DIAPH2: variants seen among roughly 807,000 people sequenced by gnomAD.
The protein encoded by DIAPH2 is protein diaphanous homolog 2.
Under a neutral mutation model 92.7 loss-of-function variants are expected in DIAPH2, and 35 were observed. The ratio of observed to expected loss-of-function variants is 0.38; its 90% CI spans 0.29 to 0.50. The LOEUF is 0.50. DIAPH2 is among the 20% of genes least tolerant of loss of function. The probability of loss-of-function intolerance (pLI) is 0.94; values close to 1 mark genes in which losing one functional copy is unlikely to be tolerated. For synonymous variants in DIAPH2, 301 were observed against 280.4 expected (o/e 1.07, Z -0.73); for missense variants, 701 against 819.5 (o/e 0.86, Z 1.77).
At chrX:97,576,293 A>C (rs993974386) in intron 26 of DIAPH2, among the ~76,000 whole-genome samples, 2 of 111,714 alleles carry the variant, frequency 1.8e-5, no homozygotes, top group African/African-American at 6.5e-5. Context: ...AATGGGTTCC[A>C]ACTTGTCCCA....
At chrX:97,548,578 C>CTGTACATCATTG (rs1235629858) in intron 26 of DIAPH2, among the ~76,000 whole-genome samples, 1 of 112,210 alleles carries the variant, frequency 8.9e-6, no homozygotes, top group Non-Finnish European at 1.9e-5. Context: ...GATGTGGGCA[C>CTGTACATCATTG]TGGAGATTAA....
At chrX:97,419,742 A>G (rs1346133886) in intron 25 of DIAPH2, among the ~76,000 whole-genome samples, 1 of 112,191 alleles carries the variant, frequency 8.9e-6, no homozygotes, top group Non-Finnish European at 1.9e-5. Context: ...CCATATAGTC[A>G]GCATTCAATA....
chrX:97,080,493 T>G (rs961793779), intron 19 of DIAPH2, among the ~76,000 whole-genome samples: 18 of 95,237 alleles, frequency 1.9e-4, no homozygotes, highest in African/African-American at 7.1e-4. Context: ...CACCAATAAT[T>G]TCTACATATA....
chrX:96,948,220 G>T (rs148415394), intron 14 of DIAPH2, among the ~76,000 whole-genome samples: 2 of 112,313 alleles, frequency 1.8e-5, no homozygotes, highest in Non-Finnish European at 3.8e-5. Flanking sequence ...TATAGTTAAG[G>T]AGTTGAAACT....
At position 96,884,710 on chromosome X, in the gene DIAPH2, C is replaced by T. The variant is rs755083419; in HGVS notation, c.587+2992C>T. ...CAAAGTGTTTGGTATCCTCAAATGT[C>T]CCACGGGAACAAAGAGCCTTGAGGT... On this transcript the variant is annotated intron_variant, in intron 5 of 26. Coordinates refer to ENST00000324765, the MANE Select transcript of DIAPH2 (RefSeq NM_006729.5). The T allele has an allele frequency of 5.8e-6, 7 of 1,208,086 alleles. No homozygotes were observed. In the South Asian group the frequency reaches 8.8e-5, roughly 15 times the overall value.
chrX:96,863,748 A>T (rs1009747837), intron 4 of DIAPH2, among the ~76,000 whole-genome samples: 1 of 111,455 alleles, frequency 9.0e-6, no homozygotes, highest in African/African-American at 3.3e-5. Context: ...TGAGTCAAAG[A>T]TGTATTTCCA....
Position 97,353,670 on chromosome X carries a change from A to G in DIAPH2, c.3009+5390A>G, listed in dbSNP as rs183684650. Among the ~76,000 whole-genome samples the G allele has an allele frequency of 9.3e-4, 103 of 111,125 alleles. 5 individuals carry two copies. Among genetic ancestry groups the G allele is most frequent in the Non-Finnish European group, 1.7e-3 (89 of 52,620 alleles). ...AATCATGCCAGCCAATTTCCCCTCAACAAAATCAGTATGTGCTACTGTTCA... is the reference window on the plus strand; with the variant it reads ...AATCATGCCAGCCAATTTCCCCTCAGCAAAATCAGTATGTGCTACTGTTCA... On this transcript the variant is annotated intron_variant, in intron 24 of 26. Transcript: ENST00000324765.
intron 23 of DIAPH2, among the ~76,000 whole-genome samples, chrX:97,305,919 A>G (rs1407742466): frequency 9.1e-6 from 1 of 110,194 alleles, no homozygotes; most frequent in Non-Finnish European, 1.9e-5. Context: ...GTTGTGCTGA[A>G]TAGTGTTTTT....
chrX:97,447,000 T>G (rs1190000170), intron 26 of DIAPH2, among the ~76,000 whole-genome samples: 1 of 111,021 alleles, frequency 9.0e-6, no homozygotes, highest in African/African-American at 3.3e-5. Flanking sequence ...AGAGTATCTC[T>G]TCCTCTGTCT....
Position 96,881,651 on chromosome X carries a change from A to G in DIAPH2, c.520A>G (p.Ile174Val), listed in dbSNP as rs1440716580. Reference protein sequence around the residue: ...QEYVHELRSGISDEKLLNCLE... With the variant: ...QEYVHELRSGVSDEKLLNCLE... ...ATATGTTCATGAATTACGATCGGGT[A>G]TATCAGATGAGAAACTTCTTAATTG... Residue 174 changes from isoleucine (I) to valine (V), a missense_variant, in exon 5 of 27, where the codon ATA (isoleucine) becomes GTA (valine). Physicochemically the swap from Ile to Val is conservative, Grantham distance 29 (BLOSUM62 3). Transcript: ENST00000324765. 18 of 1,207,543 alleles carry G rather than the reference A, an allele frequency of 1.5e-5. No individual in the cohort carries two copies. Among genetic ancestry groups the G allele is most frequent in the Non-Finnish European group, 2.0e-5 (18 of 892,363 alleles).
intron 23 of DIAPH2, among the ~76,000 whole-genome samples, chrX:97,288,276 G>A (rs1374119477): frequency 9.0e-6 from 1 of 111,409 alleles, no homozygotes; most frequent in Non-Finnish European, 1.9e-5. Flanking sequence ...AGCAGAGATA[G>A]TACTTGAAGT....
At chrX:97,272,929 GC>G (rs2068402073) in intron 23 of DIAPH2, among the ~76,000 whole-genome samples, 1 of 111,906 alleles carries the variant, frequency 8.9e-6, no homozygotes, top group Non-Finnish European at 1.9e-5. Context: ...GCCGAGGCAG[GC>G]AGATCACCTA....
intron 4 of DIAPH2, among the ~76,000 whole-genome samples, chrX:96,837,240 A>G (rs1247267396): frequency 9.0e-6 from 1 of 111,431 alleles, no homozygotes; most frequent in African/African-American, 3.3e-5. Flanking sequence ...AATCTGAAAT[A>G]TAAGTCATAT....
At chrX:97,167,248 A>C (rs1031049270) in intron 22 of DIAPH2, among the ~76,000 whole-genome samples, 4 of 111,562 alleles carry the variant, frequency 3.6e-5, no homozygotes, top group Non-Finnish European at 7.5e-5. Context: ...TTTTTATCTT[A>C]GAACCTCTTT....
intron 26 of DIAPH2, among the ~76,000 whole-genome samples, chrX:97,596,715 T>C (rs2071554372): frequency 8.9e-6 from 1 of 111,982 alleles, no homozygotes; most frequent in South Asian, 3.8e-4. Context: ...TGATGCCAAC[T>C]ATGAGTCCTG....
intron 23 of DIAPH2, among the ~76,000 whole-genome samples, chrX:97,262,762 T>C (rs2068299438): frequency 8.9e-6 from 1 of 111,860 alleles, no homozygotes; most frequent in Non-Finnish European, 1.9e-5. Context: ...ATGGAAATTG[T>C]GTTTAAAGCC....
chrX:96,961,889 G>A (rs945481027), intron 16 of DIAPH2, among the ~76,000 whole-genome samples: 1 of 109,563 alleles, frequency 9.1e-6, no homozygotes, highest in Non-Finnish European at 1.9e-5. Context: ...GAAGATACTC[G>A]ATATGATTTT....
intron 26 of DIAPH2, among the ~76,000 whole-genome samples, chrX:97,581,148 G>T (rs1238999915): frequency 5.2e-5 from 5 of 97,049 alleles, no homozygotes; most frequent in South Asian, 1.1e-3. Flanking sequence ...TTTTTGAAGG[G>T]TTTTTTGTGT....
Position 97,146,033 on chromosome X carries a change from T to TTTTA in DIAPH2, c.2719+4239_2719+4240insTTTA, listed in dbSNP as rs1325188184. On this transcript the variant is annotated intron_variant, in intron 22 of 26. Transcript: ENST00000324765. ...TTTTTTTTTTTTTTTTTTTTTTTTT[T>TTTTA]ACTAAAGCCTTAGGAGAAAATACTT... 5.7e-5 allele frequency among the ~76,000 whole-genome samples: 5 copies of TTTTA among 87,359 alleles called. 1 individual carries two copies. The highest frequency in any genetic ancestry group is 1.2e-3 in the South Asian group (2 of 1,711). The allele number at this position is 87,359 out of a possible 115,157, so 75.9% of individuals were successfully genotyped here.
Sources: allele counts gnomAD v4.1 joint callset (sites outside exome capture counted in the v4.1 genomes callset), GRCh38; gene constraint gnomAD v4.1.1; transcripts MANE v1.5; gene names NCBI Gene and HGNC (gene_info 2026-07-23, HGNC 2026-07-21).